Variants in KALRN observed in about 807,000 individuals in gnomAD.
KALRN encodes kalirin RhoGEF kinase, also known as kalirin.
A neutral mutation model predicts 353.7 loss-of-function variants in KALRN; 70 were observed. The observed-to-expected ratio is 0.20, with a 90% CI of 0.16 to 0.24. The LOEUF (loss-of-function observed/expected upper bound fraction) is 0.24, where lower values mean the gene tolerates loss of function less well. Ranked by LOEUF, KALRN falls within the 10% of genes least tolerant of loss-of-function variation. The pLI, the probability that KALRN is intolerant of heterozygous loss-of-function variation, is 1.00. For missense variants in KALRN, 2,791 were observed against 3,756.7 expected, an observed-to-expected ratio of 0.74 and a Z score of 6.72; for synonymous variants, 1,391 against 1,434.8, an observed-to-expected ratio of 0.97 and a Z score of 0.69.
At chr3:124,556,457 T>C (rs1475262493) in intron 33 of KALRN, among the ~76,000 whole-genome samples, 1 of 152,218 alleles carries the variant, frequency 6.6e-6, no homozygotes, top group East Asian at 1.9e-4. Flanking sequence ...GCTCTTTTAA[T>C]GGAACCTAGT....
intron 1 of KALRN, among the ~76,000 whole-genome samples, chr3:124,143,441 G>A (rs1334647862): frequency 6.6e-6 from 1 of 152,168 alleles, no homozygotes; most frequent in South Asian, 2.1e-4. Context: ...GTTTTCTGGG[G>A]AAGATGGACG....
rs1269884503 is a variant in KALRN at position 124,519,602 on chromosome 3, A to G, written c.4935+23189A>G. 2.1e-5 allele frequency: 21 copies of G among 985,228 alleles called. No individual in the cohort carries two copies. In the Admixed American group the frequency reaches 1.1e-3, roughly 52 times the overall value. 61.0% of individuals were successfully genotyped at this position (985,228 alleles called of 1,614,324 possible). On this transcript the variant is annotated intron_variant, in intron 33 of 59. Transcript: ENST00000682506. Reference sequence around the variant, plus strand: ...GATCCTTAAAAAAGTTTACACTTCTATGTATCTCACAATCTTATTGTGAGG... The same window carrying G: ...GATCCTTAAAAAAGTTTACACTTCTGTGTATCTCACAATCTTATTGTGAGG...
Position 124,717,263 on chromosome 3 carries a change from C to A in KALRN, c.8293C>A (p.Leu2765Ile). 6.2e-7 allele frequency: 1 copy of A among 1,604,682 alleles called. No individual in the cohort carries two copies. Among genetic ancestry groups the A allele is most frequent in the Non-Finnish European group, 8.5e-7 (1 of 1,176,356 alleles). Residue 2765 changes from leucine to isoleucine, a missense_variant, in exon 59 of 60, where the codon CTC (leucine) becomes ATC (isoleucine). By Grantham distance (5) the Leu-to-Ile change is conservative. Transcript: ENST00000682506. ...LILELMDDGRLLDYLMNHDEL... is the reference protein window; with the variant it reads ...LILELMDDGRILDYLMNHDEL... ...TACTTTCAGGATGGATGATGGCCGG[C>A]TCTTAGACTACCTTATGAATCATGA... is the stretch of plus-strand genomic sequence containing the variant.
intron 23 of KALRN, 121 bp downstream of exon 23, chr3:124,456,849 C>T: frequency 4.8e-6 from 3 of 625,594 alleles, no homozygotes; most frequent in Non-Finnish European, 8.7e-6. Flanking sequence ...TTGGGATGGA[C>T]AGACATAATG....
At chr3:124,578,244 AT>A (rs1307666316) in intron 34 of KALRN, among the ~76,000 whole-genome samples, 7 of 152,254 alleles carry the variant, frequency 4.6e-5, no homozygotes, top group African/African-American at 1.7e-4. Context: ...TGAATAAATG[AT>A]TAGTACTTGG....
chr3:124,534,940 C>T (rs947094725), intron 33 of KALRN, among the ~76,000 whole-genome samples: 1 of 151,934 alleles, frequency 6.6e-6, no homozygotes, highest in African/African-American at 2.4e-5. Flanking sequence ...GGCGTCAATG[C>T]GGGGAGGGGT....
At chr3:124,305,271 A>T (rs918833387) in intron 6 of KALRN, among the ~76,000 whole-genome samples, 1 of 152,206 alleles carries the variant, frequency 6.6e-6, no homozygotes, top group African/African-American at 2.4e-5. Context: ...GTTCTGGTGA[A>T]AGCAAATTAG....
At chr3:124,670,906 C>A (rs2086338770) in intron 47 of KALRN, among the ~76,000 whole-genome samples, 1 of 152,210 alleles carries the variant, frequency 6.6e-6, no homozygotes, top group South Asian at 2.1e-4. Context: ...AAACCTGAGC[C>A]ATCCTCGATT....
At chr3:124,069,454 G>A (rs2149259944) in intron 1 of KALRN, among the ~76,000 whole-genome samples, 1 of 152,246 alleles carries the variant, frequency 6.6e-6, no homozygotes, top group South Asian at 2.1e-4. Flanking sequence ...TCTATGTCGT[G>A]CACAGCCCAG....
At chr3:124,175,991 G>A (rs2150154107) in intron 1 of KALRN, among the ~76,000 whole-genome samples, 1 of 152,012 alleles carries the variant, frequency 6.6e-6, no homozygotes, top group African/African-American at 2.4e-5. Context: ...TCTCTCTTCT[G>A]GGGCTCTTTC....
chr3:124,038,470 G>A (rs2039634027), intron 1 of KALRN, among the ~76,000 whole-genome samples: 1 of 152,148 alleles, frequency 6.6e-6, no homozygotes, highest in Admixed American at 6.5e-5. Context: ...GAGAATGTGT[G>A]GAGAGGAAAA....
intron 32 of KALRN, among the ~76,000 whole-genome samples, chr3:124,495,957 G>GTATATATGTATATATATA (rs201949824): frequency 2.3e-5 from 1 of 44,222 alleles, no homozygotes; most frequent in Non-Finnish European, 4.3e-5. Context: ...GTGTGTATGT[G>GTATATATGTATATATATA]TATGTATGTA....
chr3:124,577,524 C>A (rs1018258216), intron 34 of KALRN, among the ~76,000 whole-genome samples: 6 of 152,238 alleles, frequency 3.9e-5, no homozygotes, highest in African/African-American at 1.4e-4. Context: ...TTTCTGTACA[C>A]CTTACTGTTA....
chr3:124,430,871 C>T (rs1010721272), intron 16 of KALRN, 96 bp downstream of exon 16: 33 of 1,426,594 alleles, frequency 2.3e-5, no homozygotes, highest in East Asian at 1.0e-4. Context: ...CTTCAGGCAG[C>T]GAAGGCTGTA....
intron 34 of KALRN, among the ~76,000 whole-genome samples, chr3:124,593,518 A>G (rs1311371514): frequency 6.6e-6 from 1 of 152,134 alleles, no homozygotes; most frequent in Non-Finnish European, 1.5e-5. Context: ...TTGGAGGGAA[A>G]AGGTAGATTT....
rs368764246 is a variant in KALRN at position 124,442,073 on chromosome 3, C to T, written c.3313+14C>T. 6.5e-7 allele frequency: 1 copy of T among 1,544,400 alleles called. No homozygotes were observed. The highest frequency in any genetic ancestry group is 8.9e-7 in the Non-Finnish European group (1 of 1,126,910). ...AACAAGTGAAAGGTCAGTGAGAGAC[C>T]TGCCCAGCCACCAGTCACTTCAGCG... On this transcript the variant is annotated intron_variant, in intron 19 of 59. Transcript: ENST00000682506.
At chr3:124,605,530 G>A (rs901994682) in intron 34 of KALRN, among the ~76,000 whole-genome samples, 3 of 150,760 alleles carry the variant, frequency 2.0e-5, no homozygotes, top group African/African-American at 4.9e-5. Flanking sequence ...CTGAGATCAC[G>A]CTATTGCACT....
intron 3 of KALRN, among the ~76,000 whole-genome samples, chr3:124,256,742 C>G (rs1336901858): frequency 6.6e-6 from 1 of 152,166 alleles, no homozygotes; most frequent in Non-Finnish European, 1.5e-5. Context: ...CAGGTGTGGG[C>G]AGGACCTAAC....
intron 28 of KALRN, 89 bp downstream of exon 28, chr3:124,482,989 T>G (rs1046568403): frequency 1.1e-5 from 10 of 882,004 alleles, no homozygotes; most frequent in Non-Finnish European, 1.7e-5. Flanking sequence ...TAGGAATGCT[T>G]CCACCTGAAG....
Sources: gnomAD v4.1 joint callset for allele counts (sites outside exome capture counted in the v4.1 genomes callset) on GRCh38, gnomAD v4.1.1 for gene constraint, MANE v1.5 for transcripts, NCBI Gene and HGNC (gene_info 2026-07-23, HGNC 2026-07-21) for gene names.